Variants in DCC observed in about 807,000 individuals in gnomAD.
The protein encoded by DCC is netrin receptor DCC.
A neutral mutation model predicts 172.5 loss-of-function variants in DCC; 58 were observed. The observed-to-expected ratio is 0.34, with a 90% CI of 0.27 to 0.42. DCC has a LOEUF of 0.42. Among genes scored for constraint, DCC ranks in the 10% least tolerant of loss-of-function variants. DCC has a pLI of 1.00. For synonymous variants in DCC, 709 were observed against 644.5 expected, an observed-to-expected ratio of 1.10 and a Z score of -1.52; for missense variants, 1,740 against 1,791.0, an observed-to-expected ratio of 0.97 and a Z score of 0.51.
chr18:53,064,077 G>A (rs2042534598), intron 6 of DCC, among the ~76,000 whole-genome samples: 1 of 152,136 alleles, frequency 6.6e-6, no homozygotes, highest in South Asian at 2.1e-4. Flanking sequence ...GGAATGAATT[G>A]AAGCTAAGAG....
At position 53,271,273 on chromosome 18, in the gene DCC, A is replaced by G. The variant is rs966022645; in HGVS notation, c.1912-34305A>G. 4.6e-5 allele frequency among the ~76,000 whole-genome samples: 7 copies of G among 152,314 alleles called. No homozygotes were observed. In the East Asian group the frequency reaches 1.4e-3, roughly 29 times the overall value. ...ATATTTAAAGGAGGTTTTTAACTAC[A>G]TCACTATGTAATGAGTGGAGGAAGC... On this transcript the variant is annotated intron_variant, in intron 12 of 28. Transcript: ENST00000442544.
At chr18:53,041,374 A>G (rs549246997) in intron 5 of DCC, among the ~76,000 whole-genome samples, 2 of 152,110 alleles carry the variant, frequency 1.3e-5, no homozygotes, top group Admixed American at 1.3e-4. Flanking sequence ...ATCTGTTTAT[A>G]TATCTGTTTT....
chr18:52,796,772 G>C (rs887038504), intron 2 of DCC, among the ~76,000 whole-genome samples: 1 of 152,118 alleles, frequency 6.6e-6, no homozygotes, highest in African/African-American at 2.4e-5. Context: ...CTGACAGTTT[G>C]ACAATAATGT....
chr18:52,485,980 C>A (rs764484862), intron 1 of DCC, among the ~76,000 whole-genome samples: 42 of 151,936 alleles, frequency 2.8e-4, no homozygotes, highest in Non-Finnish European at 1.3e-4. Context: ...CCTTTCCCAG[C>A]TGATATTTAT....
chr18:53,486,735 T>C (rs1345738062), intron 25 of DCC, 62 bp from the exon 26 acceptor site: 2 of 1,611,208 alleles, frequency 1.2e-6, no homozygotes, highest in African/African-American at 1.3e-5. Context: ...CACCGTTTTC[T>C]TTTTTGCTTG....
chr18:52,377,698 C>CTT (rs34881042), intron 1 of DCC, among the ~76,000 whole-genome samples: 21,200 of 135,844 alleles, frequency 0.16, 1,870 homozygotes, highest in African/African-American at 0.21. Flanking sequence ...TATTAAGCCA[C>CTT]TTTTTTTTTT....
intron 1 of DCC, among the ~76,000 whole-genome samples, chr18:52,528,510 T>C (rs2032049550): frequency 6.6e-6 from 1 of 152,208 alleles, no homozygotes; most frequent in Non-Finnish European, 1.5e-5. Context: ...ACACTGTTAC[T>C]GCCAGGTTCT....
chr18:52,413,258 C>A (rs1477150131), intron 1 of DCC, among the ~76,000 whole-genome samples: 1 of 150,784 alleles, frequency 6.6e-6, no homozygotes, highest in Non-Finnish European at 1.5e-5. Flanking sequence ...AACCTCATAG[C>A]TTTTAAGATG....
chr18:53,234,040 T>G (rs1258858862), intron 12 of DCC, among the ~76,000 whole-genome samples: 1 of 151,992 alleles, frequency 6.6e-6, no homozygotes, highest in Admixed American at 6.6e-5. Flanking sequence ...CACCTGAGGT[T>G]GGGAGTTCGA....
chr18:53,035,885 T>C (rs199622362), intron 5 of DCC, among the ~76,000 whole-genome samples: 1 of 122,820 alleles, frequency 8.1e-6, no homozygotes, highest in Non-Finnish European at 1.7e-5. Context: ...ATTTGCATAC[T>C]TGTTGTCATA....
intron 1 of DCC, among the ~76,000 whole-genome samples, chr18:52,489,048 C>G (rs1598857997): frequency 6.6e-6 from 1 of 152,200 alleles, no homozygotes; most frequent in East Asian, 1.9e-4. Context: ...ACACATCGAT[C>G]TCCTACTCTC....
intron 12 of DCC, among the ~76,000 whole-genome samples, chr18:53,292,323 T>C (rs1277817770): frequency 6.6e-6 from 1 of 152,106 alleles, no homozygotes; most frequent in Non-Finnish European, 1.5e-5. Context: ...AATAGAGCTG[T>C]GGTAATCAGT....
intron 15 of DCC, among the ~76,000 whole-genome samples, chr18:53,365,297 C>A (rs1257190693): frequency 6.6e-6 from 1 of 151,738 alleles, no homozygotes; most frequent in Non-Finnish European, 1.5e-5. Context: ...TGCATATGTG[C>A]CACATTTTCT....
intron 2 of DCC, among the ~76,000 whole-genome samples, chr18:52,762,343 G>A (rs557671060): frequency 6.6e-6 from 1 of 152,120 alleles, no homozygotes; most frequent in East Asian, 1.9e-4. Flanking sequence ...CTATGGTGGT[G>A]CATGCCTGTA....
chr18:53,152,771 G>A (rs1027499035), intron 7 of DCC, among the ~76,000 whole-genome samples: 2 of 152,212 alleles, frequency 1.3e-5, no homozygotes, highest in African/African-American at 2.4e-5. Context: ...TTGAAGGCAA[G>A]TTACTGTTGA....
intron 24 of DCC, among the ~76,000 whole-genome samples, chr18:53,465,962 C>T (rs2045615383): frequency 6.6e-6 from 1 of 152,042 alleles, no homozygotes; most frequent in Non-Finnish European, 1.5e-5. Context: ...GACAGGGTTT[C>T]ACCATGTTAG....
At chr18:53,427,283 A>G (rs1271451053) in intron 21 of DCC, among the ~76,000 whole-genome samples, 3 of 152,124 alleles carry the variant, frequency 2.0e-5, no homozygotes, top group African/African-American at 4.8e-5. Flanking sequence ...GACCCCTAGG[A>G]TGACTGTTAC....
intron 5 of DCC, among the ~76,000 whole-genome samples, chr18:53,006,885 G>A (rs539441214): frequency 2.0e-5 from 3 of 152,250 alleles, no homozygotes; most frequent in African/African-American, 7.2e-5. Flanking sequence ...ATAACGTTTT[G>A]CAGCCTCCCG....
intron 1 of DCC, among the ~76,000 whole-genome samples, chr18:52,664,343 G>A (rs956630189): frequency 5.3e-5 from 8 of 151,972 alleles, no homozygotes; most frequent in African/African-American, 1.9e-4. Flanking sequence ...CTCATCTAAG[G>A]AAGGAAACTT....
Sources: allele counts gnomAD v4.1 joint callset (sites outside exome capture counted in the v4.1 genomes callset), GRCh38; gene constraint gnomAD v4.1.1; transcripts MANE v1.5; gene names NCBI Gene and HGNC (gene_info 2026-07-23, HGNC 2026-07-21).